The following KCNN2 variants were observed in gnomAD, a reference collection of about 807,000 sequenced individuals.
The protein encoded by KCNN2 is potassium calcium-activated channel subfamily N member 2.
A neutral mutation model predicts 55.5 loss-of-function variants in KCNN2; 24 were observed. The ratio of observed to expected loss-of-function variants is 0.43; its 90% confidence interval spans 0.31 to 0.61. The LOEUF is 0.61. KCNN2 is among the 20% of genes least tolerant of loss of function. The pLI, the probability that KCNN2 is intolerant of heterozygous loss-of-function variation, is 0.08. For synonymous variants in KCNN2, 431 were observed against 336.1 expected, an observed-to-expected ratio of 1.28 and a Z score of -3.09; for missense variants, 754 against 853.6, an observed-to-expected ratio of 0.88 and a Z score of 1.45.
chr5:114,386,216 T>A (rs986046187), intron 2 of KCNN2, among the ~76,000 whole-genome samples: 3 of 139,424 alleles, frequency 2.2e-5, no homozygotes, highest in African/African-American at 8.1e-5. Context: ...AAGTATAGAG[T>A]GGTTAAATGA....
At chr5:114,114,636 G>A (rs1483647125) in intron 1 of KCNN2, among the ~76,000 whole-genome samples, 1 of 152,082 alleles carries the variant, frequency 6.6e-6, no homozygotes, top group Non-Finnish European at 1.5e-5. Flanking sequence ...GAATAAAATG[G>A]AGTGATTGTA....
At chr5:114,084,381 AT>A (rs1271837597) in intron 1 of KCNN2, among the ~76,000 whole-genome samples, 2 of 152,052 alleles carry the variant, frequency 1.3e-5, no homozygotes, top group Admixed American at 6.6e-5. Flanking sequence ...TACATACGTT[AT>A]GGTATTTCAC....
intron 2 of KCNN2, among the ~76,000 whole-genome samples, chr5:114,368,970 A>G (rs1438877362): frequency 6.6e-6 from 1 of 152,072 alleles, no homozygotes; most frequent in Non-Finnish European, 1.5e-5. Context: ...GGAGTTTTCT[A>G]AGTTTTTGCT....
At chr5:114,079,181 G>A (rs1223966489) in intron 1 of KCNN2, among the ~76,000 whole-genome samples, 1 of 152,044 alleles carries the variant, frequency 6.6e-6, no homozygotes, top group Non-Finnish European at 1.5e-5. Flanking sequence ...ATAAAGTTAA[G>A]TTTGTTTCTG....
intron 2 of KCNN2, among the ~76,000 whole-genome samples, chr5:114,237,725 T>C (rs1754532791): frequency 1.3e-5 from 2 of 152,224 alleles, no homozygotes. Context: ...TTATGCATTG[T>C]ATTATTTATG....
chr5:114,317,502 A>C (rs2150028170), intron 2 of KCNN2, among the ~76,000 whole-genome samples: 1 of 152,282 alleles, frequency 6.6e-6, no homozygotes, highest in East Asian at 1.9e-4. Flanking sequence ...TCTTTCTTAG[A>C]CTATACTTGT....
chr5:114,171,590 A>G (rs569357147), intron 1 of KCNN2, among the ~76,000 whole-genome samples: 7 of 151,988 alleles, frequency 4.6e-5, no homozygotes, highest in Non-Finnish European at 1.0e-4. Flanking sequence ...ATGTATGGGC[A>G]TACACTAGTC....
intron 2 of KCNN2, among the ~76,000 whole-genome samples, chr5:114,401,369 A>G (rs549185351): frequency 6.6e-6 from 1 of 152,330 alleles, no homozygotes; most frequent in African/African-American, 2.4e-5. Flanking sequence ...TGTGTCTTAC[A>G]TTCACTTGCA....
intron 5 of KCNN2, 65 bp downstream of exon 5, chr5:114,473,229 T>G: frequency 9.2e-7 from 1 of 1,082,456 alleles, no homozygotes; most frequent in Non-Finnish European, 1.4e-6. Context: ...TTAGGAAATA[T>G]GGTTTTTATT....
chr5:114,122,256 A>G (rs1423466002), intron 1 of KCNN2, among the ~76,000 whole-genome samples: 2 of 152,268 alleles, frequency 1.3e-5, no homozygotes, highest in East Asian at 3.9e-4. Context: ...TGGCATTGTG[A>G]GTAATAACAG....
In KCNN2 at chr5:114,063,235, A is replaced by G. The variant is rs369126610; in HGVS notation, c.-271+6735A>G. On this transcript the variant is annotated intron_variant, in intron 1 of 10. Transcript: ENST00000512097. ...ACTGACAAAAACTAAGCCCCAGATGATGATTATCATGTATGTGTCTGCAGC... is the reference window on the plus strand; with the variant it reads ...ACTGACAAAAACTAAGCCCCAGATGGTGATTATCATGTATGTGTCTGCAGC... Among the ~76,000 whole-genome samples the G allele has an allele frequency of 1.9e-4, 29 of 152,318 alleles. 2 individuals carry two copies. The South Asian group carries it at 5.8e-3, about 31-fold the overall frequency.
At chr5:114,244,756 T>A (rs968321511) in intron 2 of KCNN2, among the ~76,000 whole-genome samples, 21 of 152,160 alleles carry the variant, frequency 1.4e-4, no homozygotes, top group African/African-American at 5.1e-4. Flanking sequence ...CCTGGCTTGG[T>A]GTTTATGTCA....
chr5:114,457,569 A>ACTAT (rs1480179126), intron 3 of KCNN2, among the ~76,000 whole-genome samples: 1 of 152,160 alleles, frequency 6.6e-6, no homozygotes, highest in Non-Finnish European at 1.5e-5. Context: ...GATAGTATAT[A>ACTAT]CTATCTTTTA....
intron 3 of KCNN2, among the ~76,000 whole-genome samples, chr5:114,412,450 C>G: frequency 6.7e-6 from 1 of 148,174 alleles, no homozygotes; most frequent in East Asian, 1.9e-4. Flanking sequence ...CTTAAATGAT[C>G]TGGGTTCTAA....
intron 1 of KCNN2, among the ~76,000 whole-genome samples, chr5:114,168,137 G>C (rs183115096): frequency 3.8e-4 from 56 of 147,896 alleles, no homozygotes; most frequent in Admixed American, 1.1e-3. Context: ...ATATATGTGT[G>C]TATATAGATA....
intron 2 of KCNN2, among the ~76,000 whole-genome samples, chr5:114,283,045 C>G (rs1225605228): frequency 2.0e-5 from 3 of 152,052 alleles, no homozygotes; most frequent in African/African-American, 7.2e-5. Flanking sequence ...TGTTTTTATT[C>G]ATTCTGCAAG....
At position 114,160,731 on chromosome 5, in the gene KCNN2, C is replaced by T. The variant is rs866606894; in HGVS notation, c.-270-60749C>T. ...TATTTAGGATAGTTAGTTCTTCTTG[C>T]TGAATTGATCCCTTTACCATTATGT... On this transcript the variant is annotated intron_variant, in intron 1 of 10. Coordinates refer to the KCNN2 transcript ENST00000512097. 1.7e-3 allele frequency among the ~76,000 whole-genome samples: 262 copies of T among 151,586 alleles called. 1 individual carries two copies. The highest frequency in any genetic ancestry group is 2.5e-3 in the Non-Finnish European group (170 of 67,720).
intron 2 of KCNN2, among the ~76,000 whole-genome samples, chr5:114,338,494 C>G (rs1175877193): frequency 6.6e-6 from 1 of 152,150 alleles, no homozygotes; most frequent in Non-Finnish European, 1.5e-5. Flanking sequence ...ACCATCCTCA[C>G]TTTATAGATA....
chr5:114,070,334 C>G (rs1347462713), intron 1 of KCNN2, among the ~76,000 whole-genome samples: 1 of 152,224 alleles, frequency 6.6e-6, no homozygotes, highest in African/African-American at 2.4e-5. Context: ...CACTGCCCAA[C>G]TAGCATGTTT....
Sources: gnomAD v4.1 joint callset for allele counts (sites outside exome capture counted in the v4.1 genomes callset) on GRCh38, gnomAD v4.1.1 for gene constraint, MANE v1.5 for transcripts, NCBI Gene and HGNC (gene_info 2026-07-23, HGNC 2026-07-21) for gene names.